The following ROBO1 variants were observed in gnomAD, a reference collection of about 807,000 sequenced individuals.
ROBO1 encodes roundabout guidance receptor 1, also known as roundabout homolog 1.
Under a neutral mutation model 195.9 loss-of-function variants are expected in ROBO1, and 149 were observed. The ratio of observed to expected loss-of-function variants is 0.76; its 90% CI spans 0.67 to 0.87. ROBO1 has a LOEUF of 0.87. Ranked by LOEUF, ROBO1 falls within the 40% of genes least tolerant of loss-of-function variation. The pLI, the probability that ROBO1 is intolerant of heterozygous loss-of-function variation, is 0.00. For synonymous variants in ROBO1, 816 were observed against 733.2 expected, an observed-to-expected ratio of 1.11 and a Z score of -1.82; for missense variants, 1,933 against 2,068.3, an observed-to-expected ratio of 0.93 and a Z score of 1.27.
At chr3:79,483,969 T>A (rs543232401) in intron 2 of ROBO1, among the ~76,000 whole-genome samples, 30 of 152,162 alleles carry the variant, frequency 2.0e-4, no homozygotes, top group Non-Finnish European at 4.1e-4. Context: ...GGATTGAGCC[T>A]TGAGGTACAA....
chr3:78,883,335 A>G (rs1478368048), intron 4 of ROBO1, among the ~76,000 whole-genome samples: 8 of 152,058 alleles, frequency 5.3e-5, no homozygotes, highest in African/African-American at 1.7e-4. Context: ...GCTTCTTTAC[A>G]TCAATAATCA....
rs191248200 is a variant in ROBO1, at chr3:79,576,359, A to G, written c.88+13465T>C. The stretch of plus-strand genomic sequence containing the variant: ...TCAGCAGATAATCTTTCACCCATCT[A>G]CAATTTTCAATCCTGTCCATATTTC... On this transcript the variant is annotated intron_variant, in intron 2 of 30. Coordinates refer to ENST00000464233, the MANE Select transcript of ROBO1 (RefSeq NM_002941.4). 2.3e-3 allele frequency among the ~76,000 whole-genome samples: 353 copies of G among 152,054 alleles called. 5 individuals carry two copies. The highest frequency in any genetic ancestry group is 1.1e-3 in the Non-Finnish European group (74 of 67,890).
At chr3:79,334,374 T>A (rs1455483109) in intron 2 of ROBO1, among the ~76,000 whole-genome samples, 1 of 147,352 alleles carries the variant, frequency 6.8e-6, no homozygotes, top group Non-Finnish European at 1.5e-5. Flanking sequence ...GTATATATAT[T>A]TTATATATAT....
intron 1 of ROBO1, among the ~76,000 whole-genome samples, chr3:79,598,448 T>C (rs987693998): frequency 6.6e-6 from 1 of 152,128 alleles, no homozygotes; most frequent in African/African-American, 2.4e-5. Context: ...CATTTCACTG[T>C]GTTTAAAGAT....
chr3:78,914,463 A>G (rs1484763802), intron 4 of ROBO1, among the ~76,000 whole-genome samples: 2 of 151,944 alleles, frequency 1.3e-5, no homozygotes, highest in Non-Finnish European at 2.9e-5. Context: ...ACTAGATGAA[A>G]AATCTGTGTA....
chr3:79,682,220 T>C (rs1454870304), intron 1 of ROBO1, among the ~76,000 whole-genome samples: 2 of 152,134 alleles, frequency 1.3e-5, no homozygotes, highest in East Asian at 3.9e-4. Flanking sequence ...ACATAATTCT[T>C]ATACTCTAAT....
At chr3:78,645,409 T>C (rs1706214388) in intron 21 of ROBO1, among the ~76,000 whole-genome samples, 1 of 136,812 alleles carries the variant, frequency 7.3e-6, no homozygotes, top group African/African-American at 2.9e-5. Flanking sequence ...GGTTGGAAGA[T>C]TTTTTTTTTT....
chr3:78,620,299 A>C (rs1349361301), intron 26 of ROBO1, among the ~76,000 whole-genome samples: 1 of 151,216 alleles, frequency 6.6e-6, no homozygotes, highest in Non-Finnish European at 1.5e-5. Flanking sequence ...GGTGGGTGGC[A>C]TCAGGAGTTC....
intron 2 of ROBO1, among the ~76,000 whole-genome samples, chr3:79,460,010 T>C (rs2039753701): frequency 6.6e-6 from 1 of 152,132 alleles, no homozygotes; most frequent in South Asian, 2.1e-4. Flanking sequence ...GTAAGTTATG[T>C]GATGTATTAC....
intron 2 of ROBO1, among the ~76,000 whole-genome samples, chr3:79,250,089 A>G: frequency 6.6e-6 from 1 of 152,212 alleles, no homozygotes. Flanking sequence ...TGTGGCAGTT[A>G]GAAGCTAGGC....
intron 2 of ROBO1, among the ~76,000 whole-genome samples, chr3:79,147,427 G>A (rs1016169019): frequency 6.6e-6 from 1 of 151,858 alleles, no homozygotes; most frequent in Non-Finnish European, 1.5e-5. Flanking sequence ...GATCAAAGAG[G>A]CCAAAAATGA....
At chr3:79,003,259 C>T (rs756818365) in intron 3 of ROBO1, among the ~76,000 whole-genome samples, 1 of 152,138 alleles carries the variant, frequency 6.6e-6, no homozygotes, top group Non-Finnish European at 1.5e-5. Context: ...CTTGACAATG[C>T]TCATGCCTTC....
chr3:78,628,399 C>A (rs921395475), intron 25 of ROBO1, among the ~76,000 whole-genome samples: 3 of 152,114 alleles, frequency 2.0e-5, no homozygotes, highest in African/African-American at 7.2e-5. Context: ...TGTTGGCTTG[C>A]ATTTAGGCTG....
rs749191055 is a variant in ROBO1 at position 78,597,445 on chromosome 3, T to C, written c.*1468A>G. ...TCTAAATGAACAAGTTTGGTTTTGG[T>C]GAACACCAGCCTTTTTTTTTGTGGT... On this transcript the variant is annotated 3_prime_UTR_variant, in exon 31 of 31. Coordinates refer to ENST00000464233, the MANE Select transcript of ROBO1 (RefSeq NM_002941.4). The C allele has an allele frequency of 1.3e-5, 2 of 152,580 alleles. No individual in the cohort carries two copies. Among genetic ancestry groups the C allele is most frequent in the Non-Finnish European group, 2.9e-5 (2 of 67,992 alleles). The allele number at this position is 152,580 out of a possible 1,614,324, so 9.5% of individuals were successfully genotyped here.
intron 1 of ROBO1, among the ~76,000 whole-genome samples, chr3:79,682,783 A>G (rs981784938): frequency 2.0e-5 from 3 of 151,918 alleles, no homozygotes; most frequent in African/African-American, 4.8e-5. Context: ...CATTTCTTTC[A>G]TTTTTTAGGT....
chr3:78,636,208 G>T, intron 22 of ROBO1, 100 bp from the exon 23 acceptor site: 2 of 820,014 alleles, frequency 2.4e-6, no homozygotes, highest in Non-Finnish European at 3.7e-6. Flanking sequence ...AAATCGTTAT[G>T]TAAAGTACAA....
intron 1 of ROBO1, among the ~76,000 whole-genome samples, chr3:79,649,705 G>T (rs1945943128): frequency 1.3e-5 from 2 of 151,988 alleles, no homozygotes; most frequent in African/African-American, 4.8e-5. Context: ...TATCTCTGAG[G>T]GTATCTCTGG....
chr3:79,623,490 G>A (rs923510298), intron 1 of ROBO1, among the ~76,000 whole-genome samples: 1 of 152,174 alleles, frequency 6.6e-6, no homozygotes, highest in African/African-American at 2.4e-5. Flanking sequence ...TAAGTTTAAA[G>A]AGGAACATAA....
intron 4 of ROBO1, among the ~76,000 whole-genome samples, chr3:78,757,268 G>T (rs1274751296): frequency 1.3e-5 from 2 of 152,158 alleles, no homozygotes; most frequent in South Asian, 2.1e-4. Flanking sequence ...GGACACATAG[G>T]TGATGCAAGG....
Sources: allele counts gnomAD v4.1 joint callset (sites outside exome capture counted in the v4.1 genomes callset), GRCh38; gene constraint gnomAD v4.1.1; transcripts MANE v1.5; gene names NCBI Gene and HGNC (gene_info 2026-07-23, HGNC 2026-07-21).